The following STAU2 variants were observed in gnomAD, a reference collection of about 807,000 sequenced individuals.
STAU2 encodes staufen double-stranded RNA binding protein 2, also known as double-stranded RNA-binding protein Staufen homolog 2.
A neutral mutation model predicts 65.9 loss-of-function variants in STAU2; 20 were observed. The ratio of observed to expected loss-of-function variants is 0.30; its 90% CI spans 0.21 to 0.44. The LOEUF (loss-of-function observed/expected upper bound fraction) is 0.44. Among genes scored for constraint, STAU2 ranks in the 20% least tolerant of loss-of-function variants. The pLI is 1.00. For missense variants in STAU2, 558 were observed against 683.9 expected (o/e 0.82, Z 2.05); for synonymous variants, 232 against 233.9 (o/e 0.99, Z 0.07).
chr8:73,500,205 T>C (rs1033794440), intron 13 of STAU2, among the ~76,000 whole-genome samples: 13 of 152,048 alleles, frequency 8.5e-5, no homozygotes, highest in Non-Finnish European at 1.8e-4. Context: ...AATCCACAGA[T>C]GCTCAAGTCC....
At chr8:73,642,224 A>G (rs60962770) in intron 6 of STAU2, among the ~76,000 whole-genome samples, 29,298 of 152,034 alleles carry the variant, frequency 0.19, 3,074 homozygotes, top group East Asian at 0.37. Context: ...GGTCTCCCCC[A>G]CTCAAAAACT....
At chr8:73,460,420 G>A (rs924893399) in intron 13 of STAU2, among the ~76,000 whole-genome samples, 3 of 152,156 alleles carry the variant, frequency 2.0e-5, no homozygotes, top group African/African-American at 7.2e-5. Flanking sequence ...TTACTACAGG[G>A]GACGAGAGAG....
chr8:73,642,477 C>T (rs940927108), intron 6 of STAU2, among the ~76,000 whole-genome samples: 1 of 151,956 alleles, frequency 6.6e-6, no homozygotes, highest in Admixed American at 6.6e-5. Flanking sequence ...GAGCCAAGAT[C>T]GCGCCACTGC....
intron 13 of STAU2, among the ~76,000 whole-genome samples, chr8:73,535,681 A>T (rs527505725): frequency 9.8e-5 from 15 of 152,338 alleles, no homozygotes; most frequent in Admixed American, 9.1e-4. Flanking sequence ...TGACATACCT[A>T]TATACATCAT....
chr8:73,701,730 G>A lies in STAU2; in HGVS notation c.114+7302C>T, dbSNP rs1263504319. On this transcript the variant is annotated intron_variant, in intron 4 of 14. Coordinates refer to ENST00000524300, the MANE Select transcript of STAU2 (RefSeq NM_001164380.2). Reference sequence around the variant, plus strand: ...TGCAATCCAGCAATCCCGCTGCTGGGTATATTCCCAAAAGAAAAGAAATCA... The same window carrying A: ...TGCAATCCAGCAATCCCGCTGCTGGATATATTCCCAAAAGAAAAGAAATCA... 5.3e-5 allele frequency among the ~76,000 whole-genome samples: 8 copies of A among 152,176 alleles called. No homozygotes were observed. In the East Asian group the frequency reaches 1.5e-3, roughly 29 times the overall value.
intron 13 of STAU2, among the ~76,000 whole-genome samples, chr8:73,508,623 C>T (rs1033270565): frequency 1.3e-5 from 2 of 152,142 alleles, no homozygotes; most frequent in African/African-American, 2.4e-5. Flanking sequence ...TGCTGATAGA[C>T]GCTCGACATA....
intron 12 of STAU2, among the ~76,000 whole-genome samples, chr8:73,581,457 G>A (rs1809977302): frequency 6.6e-6 from 1 of 152,168 alleles, no homozygotes; most frequent in South Asian, 2.1e-4. Flanking sequence ...CAAGAGGGAG[G>A]AGGCATGGAA....
At chr8:73,460,083 A>T (rs1819271637) in intron 13 of STAU2, among the ~76,000 whole-genome samples, 1 of 152,218 alleles carries the variant, frequency 6.6e-6, no homozygotes, top group East Asian at 1.9e-4. Flanking sequence ...AGTGGCTGCC[A>T]ACCCAAGCTC....
chr8:73,669,344 T>C (rs922802213), intron 6 of STAU2, among the ~76,000 whole-genome samples: 3 of 152,190 alleles, frequency 2.0e-5, no homozygotes, highest in Admixed American at 2.0e-4. Context: ...CTAAGGCACA[T>C]CCTTTATTTA....
At chr8:73,634,596 T>C (rs1814356368) in intron 6 of STAU2, among the ~76,000 whole-genome samples, 1 of 152,232 alleles carries the variant, frequency 6.6e-6, no homozygotes, top group Non-Finnish European at 1.5e-5. Flanking sequence ...ATCTTTACAA[T>C]GGCCTACAAG....
intron 6 of STAU2, among the ~76,000 whole-genome samples, chr8:73,655,240 A>G (rs1024663597): frequency 6.6e-6 from 1 of 152,238 alleles, no homozygotes; most frequent in Admixed American, 6.5e-5. Context: ...CTTGCAAAGG[A>G]TGTAGTTTCT....
intron 12 of STAU2, among the ~76,000 whole-genome samples, chr8:73,556,321 G>A (rs1459996864): frequency 1.3e-5 from 2 of 152,078 alleles, no homozygotes; most frequent in African/African-American, 2.4e-5. Flanking sequence ...CCTCAAGTTA[G>A]AAGCGGAATT....
chr8:73,529,374 T>C (rs1805657202), intron 13 of STAU2, among the ~76,000 whole-genome samples: 1 of 152,226 alleles, frequency 6.6e-6, no homozygotes, highest in South Asian at 2.1e-4. Context: ...TTATGTCTGA[T>C]ATAGTGCTAT....
chr8:73,686,010 T>C (rs779555954), intron 5 of STAU2, among the ~76,000 whole-genome samples: 3 of 152,002 alleles, frequency 2.0e-5, no homozygotes, highest in Non-Finnish European at 2.9e-5. Flanking sequence ...TACAGCTAAC[T>C]GGATGGAGTT....
At chr8:73,644,622 C>G (rs1815236079) in intron 6 of STAU2, among the ~76,000 whole-genome samples, 1 of 151,814 alleles carries the variant, frequency 6.6e-6, no homozygotes, top group Non-Finnish European at 1.5e-5. Flanking sequence ...AAACTGGAAA[C>G]AGAAAAAAAC....
chr8:73,717,622 TTTGTTGTTGTTG>T (rs75469180), intron 3 of STAU2, among the ~76,000 whole-genome samples: 145 of 150,170 alleles, frequency 9.7e-4, no homozygotes, highest in Middle Eastern at 6.9e-3. Flanking sequence ...CTATTTGTCT[TTTGTTGTTGTTG>T]TTGTTGTTGT....
intron 13 of STAU2, among the ~76,000 whole-genome samples, chr8:73,534,192 C>T (rs1806028924): frequency 2.0e-5 from 3 of 152,164 alleles, no homozygotes; most frequent in Admixed American, 6.5e-5. Context: ...GCACAGAAGC[C>T]TTGCACAGAA....
At chr8:73,680,776 A>G (rs1297013306) in intron 5 of STAU2, among the ~76,000 whole-genome samples, 1 of 151,998 alleles carries the variant, frequency 6.6e-6, no homozygotes, top group Non-Finnish European at 1.5e-5. Context: ...AAAAAGAGTC[A>G]CAACTTCTGA....
chr8:73,605,880 C>CACACACACACACACAT (rs1811992724), intron 9 of STAU2, among the ~76,000 whole-genome samples: 1 of 4,912 alleles, frequency 2.0e-4, no homozygotes, highest in African/African-American at 3.9e-4. Context: ...CACACACATA[C>CACACACACACACACAT]ACACACACAC....
Sources: gnomAD v4.1 joint callset for allele counts (sites outside exome capture counted in the v4.1 genomes callset) on GRCh38, gnomAD v4.1.1 for gene constraint, MANE v1.5 for transcripts, NCBI Gene and HGNC (gene_info 2026-07-23, HGNC 2026-07-21) for gene names.